The following TIAM2 variants were observed in gnomAD, a reference collection of about 807,000 sequenced individuals.
The protein encoded by TIAM2 is TIAM Rac1 associated GEF 2.
A neutral mutation model predicts 152.9 loss-of-function variants in TIAM2; 80 were observed. The ratio of observed to expected loss-of-function variants is 0.52; its 90% CI spans 0.44 to 0.63. The LOEUF is 0.63. Ranked by LOEUF, TIAM2 falls within the 30% of genes least tolerant of loss-of-function variation. TIAM2 has a pLI of 0.00. For synonymous variants in TIAM2, 804 were observed against 838.0 expected, an observed-to-expected ratio of 0.96 and a Z score of 0.70; for missense variants, 1,965 against 2,120.1, an observed-to-expected ratio of 0.93 and a Z score of 1.44.
rs1784108857 is a variant in TIAM2, at chr6:155,257,179, A to T, written c.*58A>T. ...CATTTTACTTTTAAACTGGTGGTAA[A>T]GTGGAAATTGCAAAAAAAAAAAAAA... is the stretch of plus-strand genomic sequence containing the variant. On this transcript the variant is annotated 3_prime_UTR_variant, in exon 27 of 27. Coordinates refer to ENST00000682666, the MANE Select transcript of TIAM2 (RefSeq NM_012454.4). The T allele has an allele frequency of 3.3e-5, 36 of 1,107,048 alleles. No individual in the cohort carries two copies. Among genetic ancestry groups the T allele is most frequent in the Non-Finnish European group, 4.3e-5 (33 of 768,190 alleles). 68.6% of individuals were successfully genotyped at this position (1,107,048 alleles called of 1,614,324 possible).
At chr6:155,168,835 C>T (rs1303096263) in intron 9 of TIAM2, 5 of 1,533,400 alleles carry the variant, frequency 3.3e-6, no homozygotes, top group Non-Finnish European at 3.5e-6. Flanking sequence ...TTTCCTCCCC[C>T]ATCTGTCAGA....
chr6:155,069,483 G>A (rs1777785807), intron 1 of TIAM2, among the ~76,000 whole-genome samples: 1 of 152,140 alleles, frequency 6.6e-6, no homozygotes, highest in Non-Finnish European at 1.5e-5. Flanking sequence ...TGCCTTTGGA[G>A]AAACTGTTAT....
intron 9 of TIAM2, among the ~76,000 whole-genome samples, chr6:155,167,212 A>G (rs1039414114): frequency 4.2e-5 from 6 of 144,380 alleles, no homozygotes; most frequent in African/African-American, 1.7e-4. Context: ...TTGTGGTTCT[A>G]CTTGTAATTA....
intron 6 of TIAM2, among the ~76,000 whole-genome samples, chr6:155,145,617 C>G (rs1006237804): frequency 6.6e-6 from 1 of 152,156 alleles, no homozygotes; most frequent in Admixed American, 6.5e-5. Context: ...CCATCTAAAC[C>G]CAGCACTTGA....
chr6:155,054,162 A>G (rs9384273), intron 1 of TIAM2, among the ~76,000 whole-genome samples: 18,602 of 151,864 alleles, frequency 0.12, 1,249 homozygotes, highest in East Asian at 0.27. Flanking sequence ...TGACAGAGCG[A>G]GACTGCATCT....
chr6:155,207,020 G>A (rs1017536670), intron 14 of TIAM2, among the ~76,000 whole-genome samples: 1 of 152,180 alleles, frequency 6.6e-6, no homozygotes, highest in African/African-American at 2.4e-5. Context: ...CCTAAAACAT[G>A]TTGCACTGTA....
Position 155,148,117 on chromosome 6 carries a change from G to C in TIAM2, c.1811G>C (p.Ser604Thr), listed in dbSNP as rs1326958773. The C allele has an allele frequency of 1.2e-6, 2 of 1,613,912 alleles. No homozygotes were observed. The highest frequency in any genetic ancestry group is 1.7e-6 in the Non-Finnish European group (2 of 1,180,020). The change falls in exon 7 of 27, where the codon AGC (serine) becomes ACC (threonine). Residue 604 changes from serine to threonine, a missense_variant. Around this residue, in one of 3 missense-constraint regions of TIAM2, gnomAD observed 1,025 missense variants for 1,119.4 expected, o/e 0.92. Coordinates refer to ENST00000682666, the MANE Select transcript of TIAM2 (RefSeq NM_012454.4). Reference sequence around the variant, plus strand: ...CTCCCTCCCTGTGTGTAGGCCACCAGCCAGACAGATCTAGAAAACTGGGTC... The same window carrying C: ...CTCCCTCCCTGTGTGTAGGCCACCACCCAGACAGATCTAGAAAACTGGGTC... ...FGDVYLFQAT[S>T]QTDLENWVTA...
chr6:155,037,717 A>G (rs1365837121), intron 1 of TIAM2, among the ~76,000 whole-genome samples: 1 of 151,938 alleles, frequency 6.6e-6, no homozygotes, highest in Admixed American at 6.6e-5. Flanking sequence ...TTTAGTAGGG[A>G]TGGGGTTTTG....
intron 1 of TIAM2, among the ~76,000 whole-genome samples, chr6:155,012,279 A>G (rs941620662): frequency 6.6e-6 from 1 of 152,106 alleles, no homozygotes; most frequent in Non-Finnish European, 1.5e-5. Context: ...CTTTACTATG[A>G]GAGTTCACTG....
chr6:155,140,976 G>A (rs945643285), intron 5 of TIAM2, among the ~76,000 whole-genome samples: 2 of 152,184 alleles, frequency 1.3e-5, no homozygotes, highest in Non-Finnish European at 2.9e-5. Flanking sequence ...TTAAGGGCTG[G>A]AAGAGCTGAT....
chr6:155,063,998 A>T (rs892246135), intron 1 of TIAM2, among the ~76,000 whole-genome samples: 1 of 152,144 alleles, frequency 6.6e-6, no homozygotes, highest in African/African-American at 2.4e-5. Flanking sequence ...GTCCCGTATG[A>T]CTATCCCATG....
chr6:155,219,877 G>GA lies in TIAM2; in HGVS notation c.3168+8581dup, dbSNP rs58436776. On this transcript the variant is annotated intron_variant, in intron 15 of 26. Coordinates refer to ENST00000682666, the MANE Select transcript of TIAM2 (RefSeq NM_012454.4). ...ACTTACGTGTCAACAGGAAAAACAG[G>GA]AAAAAAAAAAAGAGTGGTATTGAGA... is the stretch of plus-strand genomic sequence containing the variant. Among the ~76,000 whole-genome samples, 766 of 145,932 alleles carry GA rather than the reference G, an allele frequency of 5.2e-3. 9 individuals carry two copies. The highest frequency in any genetic ancestry group is 0.046 in the South Asian group (212 of 4,624).
chr6:155,025,855 C>G (rs1361406202), intron 1 of TIAM2, among the ~76,000 whole-genome samples: 5 of 124,728 alleles, frequency 4.0e-5, no homozygotes, highest in Admixed American at 2.3e-4. Flanking sequence ...CACACACACA[C>G]ACACACACAC....
chr6:155,108,825 T>C (rs538572597), intron 2 of TIAM2, among the ~76,000 whole-genome samples: 1 of 152,244 alleles, frequency 6.6e-6, no homozygotes, highest in South Asian at 2.1e-4. Flanking sequence ...TTGCAGCTTC[T>C]TCCCACCAGA....
chr6:155,133,814 A>G (rs1446726458), intron 4 of TIAM2, among the ~76,000 whole-genome samples: 2 of 151,958 alleles, frequency 1.3e-5, no homozygotes, highest in African/African-American at 4.8e-5. Flanking sequence ...GGCTCACTCA[A>G]GCGATTCTCC....
chr6:155,108,963 A>G (rs1159019928), intron 2 of TIAM2, among the ~76,000 whole-genome samples: 1 of 152,052 alleles, frequency 6.6e-6, no homozygotes, highest in Non-Finnish European at 1.5e-5. Context: ...GGTTAGTGAG[A>G]TCCCTTAGTT....
chr6:155,209,080 G>T (rs1374703766), intron 14 of TIAM2, among the ~76,000 whole-genome samples: 1 of 151,862 alleles, frequency 6.6e-6, no homozygotes. Context: ...TGTTTTAAGG[G>T]CCCAGGGAGA....
intron 5 of TIAM2, among the ~76,000 whole-genome samples, chr6:155,143,415 T>C (rs76871470): frequency 0.018 from 2,746 of 152,336 alleles, 39 homozygotes; most frequent in Middle Eastern, 0.031. Context: ...GAGTAACGTT[T>C]GAAAATTCAG....
intron 1 of TIAM2, among the ~76,000 whole-genome samples, chr6:155,001,207 T>C (rs2114835754): frequency 6.6e-6 from 1 of 152,172 alleles, no homozygotes; most frequent in African/African-American, 2.4e-5. Flanking sequence ...TCACATCCAG[T>C]AAAGGATGAC....
Sources: allele counts gnomAD v4.1 joint callset (sites outside exome capture counted in the v4.1 genomes callset), GRCh38; gene constraint gnomAD v4.1.1; regional missense constraint gnomAD v4.1.1; transcripts MANE v1.5; gene names NCBI Gene and HGNC (gene_info 2026-07-23, HGNC 2026-07-21).